GNL2: variants seen among roughly 807,000 people sequenced by gnomAD.
The protein encoded by GNL2 is nucleolar GTP-binding protein 2.
Under a neutral mutation model 92.3 loss-of-function variants are expected in GNL2, and 51 were observed. The observed-to-expected ratio is 0.55, with a 90% confidence interval of 0.44 to 0.70. GNL2 has a LOEUF of 0.70. Ranked by LOEUF, GNL2 falls within the 30% of genes least tolerant of loss-of-function variation. The pLI, the probability that GNL2 is intolerant of heterozygous loss-of-function variation, is 0.00. For missense variants in GNL2, 844 were observed against 895.6 expected, an observed-to-expected ratio of 0.94 and a Z score of 0.74; for synonymous variants, 283 against 300.6, an observed-to-expected ratio of 0.94 and a Z score of 0.61.
Position 37,576,423 on chromosome 1 carries a change from C to T in GNL2, c.1038+5G>A, listed in dbSNP as rs375170017. On this transcript the variant is annotated splice_donor_5th_base_variant and intron_variant, in intron 9 of 15. Coordinates refer to ENST00000373062, the MANE Select transcript of GNL2 (RefSeq NM_013285.3). ...AAAAGTAAGGTCACCCTGCGCCCAACGTACCTTTGTTTCACCTGCAATGGG... is the reference window on the plus strand; with the variant it reads ...AAAAGTAAGGTCACCCTGCGCCCAATGTACCTTTGTTTCACCTGCAATGGG... 9 of 1,613,046 alleles carry T rather than the reference C, an allele frequency of 5.6e-6. No individual in the cohort carries two copies. The East Asian group carries it at 6.7e-5, about 12-fold the overall frequency.
Position 37,568,306 on chromosome 1 carries a change from T to C in GNL2, c.1920A>G (p.Arg640=), listed in dbSNP as rs370049441. ...CATCTACATCTTCTTCCAGTGTTTT[T>C]CTTTGTTCTTCAGGTTTTGCAAATA... ...EKIFAKPEEQ[R]KTLEEDVDDR... is the part of the protein sequence containing the mutation. Residue 640 remains arginine (R), a synonymous_variant, in exon 14 of 16, where the codon AGA becomes AGG. Coordinates refer to ENST00000373062, the MANE Select transcript of GNL2 (RefSeq NM_013285.3). 3.7e-5 allele frequency: 60 copies of C among 1,608,384 alleles called. No homozygotes were observed. In the East Asian group the frequency reaches 4.2e-4, roughly 11 times the overall value.
intron 8 of GNL2, among the ~76,000 whole-genome samples, chr1:37,580,341 T>A (rs1425251149): frequency 6.6e-6 from 1 of 152,168 alleles, no homozygotes; most frequent in East Asian, 1.9e-4. Context: ...GGGGTCAGAA[T>A]GGCCTCAGAT....
Position 37,587,395 on chromosome 1 carries a change from G to A in GNL2, c.485C>T (p.Ser162Phe), listed in dbSNP as rs972856599. Residue 162 changes from serine to phenylalanine, a missense_variant, in exon 5 of 16, where the codon TCT becomes TTT. Coordinates refer to ENST00000373062, the MANE Select transcript of GNL2 (RefSeq NM_013285.3). ...RPNLFASDMQ[S>F]LIENAEMSTE... ...GGACATTTCAGCATTTTCGATAAGA[G>A]ACTGCATATCACTTGCAAATAAGTT... is the stretch of plus-strand genomic sequence containing the variant. The A allele has an allele frequency of 1.2e-6, 2 of 1,612,954 alleles. No individual in the cohort carries two copies. Among genetic ancestry groups the A allele is most frequent in the Non-Finnish European group, 1.7e-6 (2 of 1,179,030 alleles).
chr1:37,576,807 A>G (rs1427053004), intron 8 of GNL2, among the ~76,000 whole-genome samples: 1 of 152,204 alleles, frequency 6.6e-6, no homozygotes, highest in African/African-American at 2.4e-5. Context: ...GGTTAAAAGT[A>G]TGTAGGTCAA....
intron 5 of GNL2, among the ~76,000 whole-genome samples, chr1:37,586,790 C>T (rs1199006332): frequency 6.6e-6 from 1 of 152,076 alleles, no homozygotes; most frequent in Non-Finnish European, 1.5e-5. Context: ...TGAGGAGAGA[C>T]CTTTGTCAAT....
chr1:37,581,516 C>G (rs554234068), intron 8 of GNL2: 28 of 456,062 alleles, frequency 6.1e-5, no homozygotes, highest in South Asian at 3.9e-4. Flanking sequence ...CTGGAAAGCC[C>G]AGCAGAGCGT....
intron 4 of GNL2, 69 bp from the exon 5 acceptor site, chr1:37,587,564 C>T: frequency 2.0e-6 from 2 of 986,666 alleles, no homozygotes; most frequent in Non-Finnish European, 3.0e-6. Flanking sequence ...GCTCAACACC[C>T]ACCTAGGAAA....
chr1:37,579,553 A>C (rs1643732238), intron 8 of GNL2, among the ~76,000 whole-genome samples: 3 of 151,506 alleles, frequency 2.0e-5, no homozygotes, highest in African/African-American at 7.3e-5. Flanking sequence ...GTCTCACAAA[A>C]AAAAAAAAGT....
chr1:37,576,795 A>G (rs1643685779), intron 8 of GNL2, among the ~76,000 whole-genome samples: 1 of 152,196 alleles, frequency 6.6e-6, no homozygotes, highest in Non-Finnish European at 1.5e-5. Flanking sequence ...TGTATGTGTT[A>G]AGGTTAAAAG....
At chr1:37,588,890 T>C (rs865982924) in intron 4 of GNL2, among the ~76,000 whole-genome samples, 2 of 152,326 alleles carry the variant, frequency 1.3e-5, no homozygotes, top group Middle Eastern at 3.4e-3. Context: ...ACTCATCAAT[T>C]ACTCTGAGCA....
At chr1:37,586,068 G>A (rs996936359) in intron 5 of GNL2, among the ~76,000 whole-genome samples, 3 of 152,044 alleles carry the variant, frequency 2.0e-5, no homozygotes, top group Non-Finnish European at 4.4e-5. Flanking sequence ...TCACCATAAG[G>A]AAAAACTATA....
chr1:37,574,305 A>C, intron 12 of GNL2, 38 bp downstream of exon 12: 1 of 1,294,664 alleles, frequency 7.7e-7, no homozygotes, highest in Non-Finnish European at 1.1e-6. Flanking sequence ...CTAGGTCAGG[A>C]CCCATGCTCC....
intron 4 of GNL2, among the ~76,000 whole-genome samples, chr1:37,589,527 C>CA (rs1404526385): frequency 6.6e-6 from 1 of 152,142 alleles, no homozygotes; most frequent in African/African-American, 2.4e-5. Flanking sequence ...AGGATGGTCT[C>CA]AATCTCCTGA....
At position 37,589,313 on chromosome 1, in the gene GNL2, T is replaced by G. The variant is rs537126992; in HGVS notation, c.384+1393A>C. Among the ~76,000 whole-genome samples, 11 of 152,362 alleles carry G rather than the reference T, an allele frequency of 7.2e-5. No homozygotes were observed. In the East Asian group the frequency reaches 1.5e-3, roughly 21 times the overall value. ...TTTCTTTGAACTATTTTATTTTTAT[T>G]TATTTATTTGAGACGGAGTCTTGCT... On this transcript the variant is annotated intron_variant, in intron 4 of 15. Transcript: ENST00000373062.
Position 37,568,943 on chromosome 1 carries a change from G to A in GNL2, c.1776C>T (p.Asp592=). The A allele has an allele frequency of 6.2e-7, 1 of 1,614,094 alleles. No individual in the cohort carries two copies. Among genetic ancestry groups the A allele is most frequent in the Non-Finnish European group, 8.5e-7 (1 of 1,179,952 alleles). ...CCAGTGCTTTAATAACGGCTTTGGT[G>A]TCGTTTCCCACATTTTCCTCCTCAG... is the stretch of plus-strand genomic sequence containing the variant. ...SEPEEENVGN[D]TKAVIKALDE... is the part of the protein sequence containing the mutation. The change falls in exon 13 of 16, where the codon GAC becomes GAT. Residue 592 remains aspartate, a synonymous_variant. Coordinates refer to ENST00000373062, the MANE Select transcript of GNL2 (RefSeq NM_013285.3).
intron 14 of GNL2, 133 bp from the exon 15 acceptor site, chr1:37,567,897 A>G (rs1643532444): frequency 2.9e-6 from 2 of 680,614 alleles, no homozygotes; most frequent in Non-Finnish European, 2.6e-6. Flanking sequence ...AGTGGTGAGT[A>G]AAGCAGGCCA....
At chr1:37,583,606 TA>T (rs1643806376) in intron 6 of GNL2, among the ~76,000 whole-genome samples, 1 of 152,202 alleles carries the variant, frequency 6.6e-6, no homozygotes, top group Non-Finnish European at 1.5e-5. Context: ...CAGGAAATCT[TA>T]AAAAATACTG....
chr1:37,575,016 C>T lies in GNL2; in HGVS notation c.1144-193G>A, dbSNP rs368797223. ...CACTGCTGAAAGCTGACCATAGCCA[C>T]GGAGCCCAGAACTCAGCTTTAATCC... On this transcript the variant is annotated intron_variant, in intron 10 of 15. Transcript: ENST00000373062. This position sits in a 1 kb window ranked among gnomAD's most constrained non-coding sequence, Gnocchi z 4.1. Among the ~76,000 whole-genome samples the T allele has an allele frequency of 9.2e-5, 14 of 152,194 alleles. No homozygotes were observed. The highest frequency in any genetic ancestry group is 2.0e-4 in the Admixed American group (3 of 15,270).
rs201258267 is a variant in GNL2 at position 37,582,807 on chromosome 1, T to C, written c.766A>G (p.Lys256Glu). 1.9e-6 allele frequency: 3 copies of C among 1,613,802 alleles called. No homozygotes were observed. Among genetic ancestry groups the C allele is most frequent in the Admixed American group, 3.3e-5 (2 of 60,000 alleles). ...PWKHLIFVLN[K>E]CDLVPTWATK... ...GCCCAGGTTGGAACAAGGTCACATT[T>C]GTTAAGTACAAAAATGAGGTGTTTC... The change falls in exon 7 of 16, where the codon AAA becomes GAA. Residue 256 changes from lysine to glutamate, a missense_variant. Transcript: ENST00000373062.
Sources: gnomAD v4.1 joint callset for allele counts (sites outside exome capture counted in the v4.1 genomes callset) on GRCh38, gnomAD v4.1.1 for gene constraint, Gnocchi (gnomAD v3.1) non-coding constraint, MANE v1.5 for transcripts, NCBI Gene and HGNC (gene_info 2026-07-23, HGNC 2026-07-21) for gene names.